The following GLRA3 variants were observed in gnomAD, a reference collection of about 807,000 sequenced individuals.
The protein encoded by GLRA3 is glycine receptor alpha 3.
GLRA3 carries 44 observed loss-of-function variants against 60.4 expected under a neutral mutation model. The observed-to-expected ratio is 0.73, with a 90% CI of 0.57 to 0.94. The LOEUF (loss-of-function observed/expected upper bound fraction) is 0.94. Among genes scored for constraint, GLRA3 ranks in the 40% least tolerant of loss-of-function variants. GLRA3 has a pLI of 0.00. For synonymous variants in GLRA3, 223 were observed against 192.9 expected, an observed-to-expected ratio of 1.16 and a Z score of -1.29; for missense variants, 508 against 564.6, an observed-to-expected ratio of 0.90 and a Z score of 1.02.
chr4:174,723,310 A>C (rs922345563), intron 4 of GLRA3, among the ~76,000 whole-genome samples: 3 of 152,054 alleles, frequency 2.0e-5, no homozygotes, highest in African/African-American at 7.2e-5. Context: ...CTATTTGACA[A>C]ATTTTTAGGA....
intron 7 of GLRA3, among the ~76,000 whole-genome samples, chr4:174,661,439 C>T (rs1219591722): frequency 6.6e-6 from 1 of 152,170 alleles, no homozygotes; most frequent in African/African-American, 2.4e-5. Flanking sequence ...ACCATATTTT[C>T]AGCCTCAGCA....
intron 3 of GLRA3, among the ~76,000 whole-genome samples, chr4:174,750,351 G>A (rs949439944): frequency 6.6e-6 from 1 of 152,102 alleles, no homozygotes; most frequent in Non-Finnish European, 1.5e-5. Flanking sequence ...GGGCCTAGCA[G>A]GGGACTATGC....
rs1732607591 is a variant in GLRA3, at chr4:174,640,839, C to T, written c.*2947G>A. ...TAAGATGAGCAGTCCGGATGATTCC[C>T]TAATATAGCCACTGAGAGTTGGATG... On this transcript the variant is annotated 3_prime_UTR_variant, in exon 10 of 10. Transcript: ENST00000274093. The T allele has an allele frequency of 6.6e-6, 1 of 151,936 alleles. No homozygotes were observed. Among genetic ancestry groups the T allele is most frequent in the African/African-American group, 2.4e-5 (1 of 41,390 alleles). The allele number at this position is 151,936 out of a possible 1,614,324, so 9.4% of individuals were successfully genotyped here.
At chr4:174,672,276 T>A (rs901338683) in intron 7 of GLRA3, among the ~76,000 whole-genome samples, 5 of 152,144 alleles carry the variant, frequency 3.3e-5, no homozygotes, top group African/African-American at 1.2e-4. Context: ...CCCCTCTTGT[T>A]TTTCTGAACA....
At chr4:174,733,997 C>T (rs1736667100) in intron 3 of GLRA3, among the ~76,000 whole-genome samples, 1 of 151,928 alleles carries the variant, frequency 6.6e-6, no homozygotes. Flanking sequence ...TTTTCGAAGA[C>T]ATCTCTAAAA....
chr4:174,692,354 G>A (rs532256967), intron 5 of GLRA3, among the ~76,000 whole-genome samples: 17 of 149,082 alleles, frequency 1.1e-4, no homozygotes, highest in South Asian at 4.4e-4. Context: ...CGCCACGTCC[G>A]GGAGATGAGG....
intron 1 of GLRA3, among the ~76,000 whole-genome samples, chr4:174,794,248 A>T (rs1739472879): frequency 6.6e-6 from 1 of 152,202 alleles, no homozygotes. Context: ...ATGAGAAATA[A>T]GGTATTAAAA....
chr4:174,815,205 A>C (rs1740437882), intron 1 of GLRA3, among the ~76,000 whole-genome samples: 1 of 152,200 alleles, frequency 6.6e-6, no homozygotes, highest in Non-Finnish European at 1.5e-5. Flanking sequence ...CATGTCTCAC[A>C]TCCATGTCAT....
chr4:174,826,592 T>TA (rs776099243), intron 1 of GLRA3, among the ~76,000 whole-genome samples: 89 of 145,888 alleles, frequency 6.1e-4, no homozygotes, highest in Admixed American at 1.1e-3. Flanking sequence ...AATAAAAATT[T>TA]TAAAAAAATC....
intron 7 of GLRA3, among the ~76,000 whole-genome samples, chr4:174,668,219 C>CT (rs1397189968): frequency 6.6e-6 from 1 of 152,124 alleles, no homozygotes; most frequent in Non-Finnish European, 1.5e-5. Flanking sequence ...ATCCTCTTTT[C>CT]TTTATAAATT....
At chr4:174,682,722 A>G (rs1734397928) in intron 6 of GLRA3, 80 bp downstream of exon 6, 2 of 1,031,340 alleles carry the variant, frequency 1.9e-6, no homozygotes, top group Non-Finnish European at 2.9e-6. Flanking sequence ...CAGTTAAATA[A>G]CTTAGCATTA....
intron 7 of GLRA3, among the ~76,000 whole-genome samples, chr4:174,672,791 C>T (rs1003858923): frequency 5.9e-5 from 9 of 152,042 alleles, no homozygotes; most frequent in African/African-American, 2.2e-4. Context: ...GGATTATCAG[C>T]CCCAAGTGCC....
chr4:174,724,062 GTA>G (rs1488054996), intron 4 of GLRA3, among the ~76,000 whole-genome samples: 10 of 118,580 alleles, frequency 8.4e-5, no homozygotes, highest in African/African-American at 2.1e-4. Flanking sequence ...GTGTGTGTGT[GTA>G]TATATATATG....
At chr4:174,682,105 A>G (rs1734369488) in intron 6 of GLRA3, among the ~76,000 whole-genome samples, 1 of 152,194 alleles carries the variant, frequency 6.6e-6, no homozygotes, top group Admixed American at 6.5e-5. Flanking sequence ...TGTACTCACC[A>G]CAATGGAGTG....
chr4:174,781,577 T>C (rs1290975377), intron 2 of GLRA3, among the ~76,000 whole-genome samples: 3 of 143,560 alleles, frequency 2.1e-5, no homozygotes, highest in Admixed American at 7.0e-5. Flanking sequence ...GCAAGACTAA[T>C]AAAGAAAAAA....
intron 2 of GLRA3, among the ~76,000 whole-genome samples, chr4:174,772,607 TA>T (rs1222007438): frequency 6.6e-6 from 1 of 152,158 alleles, no homozygotes; most frequent in East Asian, 1.9e-4. Context: ...AAGAATAACT[TA>T]AAATTTTAAA....
At chr4:174,752,000 A>T (rs1262596651) in intron 3 of GLRA3, among the ~76,000 whole-genome samples, 1 of 152,136 alleles carries the variant, frequency 6.6e-6, no homozygotes, top group East Asian at 1.9e-4. Context: ...TAAACAGAAA[A>T]GGGATGCAAA....
At chr4:174,824,895 C>T (rs1327492117) in intron 1 of GLRA3, among the ~76,000 whole-genome samples, 1 of 152,102 alleles carries the variant, frequency 6.6e-6, no homozygotes, top group Non-Finnish European at 1.5e-5. Context: ...TTGTGCTTAG[C>T]ACAATTTGTG....
At chr4:174,826,020 A>G (rs1234593918) in intron 1 of GLRA3, among the ~76,000 whole-genome samples, 1 of 152,176 alleles carries the variant, frequency 6.6e-6, no homozygotes, top group Admixed American at 6.5e-5. Flanking sequence ...AGTATCTACT[A>G]AAGTTAAACA....
Sources: gnomAD v4.1 joint callset for allele counts (sites outside exome capture counted in the v4.1 genomes callset) on GRCh38, gnomAD v4.1.1 for gene constraint, MANE v1.5 for transcripts, NCBI Gene and HGNC (gene_info 2026-07-23, HGNC 2026-07-21) for gene names.